ABI3BP: variants seen among roughly 807,000 people sequenced by gnomAD.
The protein encoded by ABI3BP is target of Nesh-SH3.
ABI3BP carries 216 observed loss-of-function variants against 268.6 expected under a neutral mutation model. That is an observed-to-expected ratio of 0.80 (90% CI 0.72 to 0.90). The LOEUF (loss-of-function observed/expected upper bound fraction) is 0.90, where lower values mean the gene tolerates loss of function less well. ABI3BP is among the 40% of genes least tolerant of loss of function. ABI3BP has a pLI of 0.00. For synonymous variants in ABI3BP, 730 were observed against 730.0 expected, an observed-to-expected ratio of 1.00 and a Z score of 0.00; for missense variants, 2,090 against 2,182.4, an observed-to-expected ratio of 0.96 and a Z score of 0.84.
intron 1 of ABI3BP, among the ~76,000 whole-genome samples, chr3:100,972,095 G>C (rs1162177696): frequency 6.6e-6 from 1 of 152,058 alleles, no homozygotes; most frequent in East Asian, 1.9e-4. Context: ...CACCTCACTA[G>C]CTCCATGCAT....
At chr3:100,908,115 TAA>T (rs370167303) in intron 2 of ABI3BP, among the ~76,000 whole-genome samples, 14 of 118,172 alleles carry the variant, frequency 1.2e-4, no homozygotes, top group Admixed American at 2.7e-4. Context: ...AGACTCTGTC[TAA>T]AAAAAAAAAA....
At chr3:100,926,226 C>A (rs2061763359) in intron 2 of ABI3BP, 76 bp downstream of exon 2, 6 of 1,464,018 alleles carry the variant, frequency 4.1e-6, no homozygotes, top group Non-Finnish European at 5.6e-6. Context: ...TTCTTGACAT[C>A]AAGATTTGTA....
At chr3:100,833,269 T>C in intron 29 of ABI3BP, 112 bp from the exon 30 acceptor site, 1 of 970,408 alleles carries the variant, frequency 1.0e-6, no homozygotes. Context: ...GTTGGTTCTA[T>C]AGCCACAAAG....
intron 65 of ABI3BP, 102 bp from the exon 66 acceptor site, chr3:100,753,050 C>T: frequency 2.7e-6 from 3 of 1,129,572 alleles, no homozygotes; most frequent in East Asian, 2.5e-5. Context: ...CCTTTTTTTC[C>T]CCCCATGCTA....
chr3:100,815,019 G>T (rs567046483), intron 44 of ABI3BP, among the ~76,000 whole-genome samples: 2 of 152,238 alleles, frequency 1.3e-5, no homozygotes, highest in South Asian at 2.1e-4. Flanking sequence ...AATGGGCTAA[G>T]ACTCCTTAAA....
chr3:100,968,434 G>A (rs2082188491), intron 1 of ABI3BP, among the ~76,000 whole-genome samples: 1 of 152,060 alleles, frequency 6.6e-6, no homozygotes, highest in African/African-American at 2.4e-5. Flanking sequence ...TGCCACCTAT[G>A]TTACCTAGTT....
rs201538753 is a variant in ABI3BP at position 100,801,456 on chromosome 3, GAAAA to G, written c.3757+3332_3757+3335del. ...AAAAAAAAAAGAAAAGAAAAGAAAA[GAAAA>G]AAAGATCTAAAGAATTAATTTATTA... is the stretch of plus-strand genomic sequence containing the variant. On this transcript the variant is annotated intron_variant, in intron 51 of 67. Coordinates refer to ENST00000471714, the MANE Select transcript of ABI3BP (RefSeq NM_001375547.2). 5.4e-3 allele frequency among the ~76,000 whole-genome samples: 779 copies of G among 144,804 alleles called. 10 individuals are homozygous for G. The highest frequency in any genetic ancestry group is 9.5e-3 in the South Asian group (43 of 4,514). 95.0% of individuals were successfully genotyped at this position (144,804 alleles called of 152,430 possible).
intron 1 of ABI3BP, among the ~76,000 whole-genome samples, chr3:100,928,618 C>A (rs1247582277): frequency 6.6e-6 from 1 of 152,022 alleles, no homozygotes; most frequent in Non-Finnish European, 1.5e-5. Flanking sequence ...TTTTTATAAA[C>A]TTCTTGAATC....
chr3:100,918,898 C>T (rs1264999674), intron 2 of ABI3BP, among the ~76,000 whole-genome samples: 1 of 152,178 alleles, frequency 6.6e-6, no homozygotes, highest in Non-Finnish European at 1.5e-5. Flanking sequence ...ACCTGCCATA[C>T]AGTAGGTGAG....
intron 2 of ABI3BP, among the ~76,000 whole-genome samples, chr3:100,907,206 T>C (rs533071197): frequency 6.6e-6 from 1 of 152,178 alleles, no homozygotes; most frequent in Non-Finnish European, 1.5e-5. Context: ...ATTAAAGTTG[T>C]AACAAAGGCC....
At chr3:100,794,600 G>C (rs1333584713) in intron 54 of ABI3BP, among the ~76,000 whole-genome samples, 1 of 151,482 alleles carries the variant, frequency 6.6e-6, no homozygotes, top group Non-Finnish European at 1.5e-5. Flanking sequence ...TTAAAATACA[G>C]AAAAAGCAAC....
rs2097094054 is a variant in ABI3BP, at chr3:100,787,776, T to C, written c.4114A>G (p.Thr1372Ala). The change falls in exon 57 of 68, where the codon ACT (threonine) becomes GCT (alanine). Residue 1372 changes from threonine (T) to alanine (A), a missense_variant. Transcript: ENST00000471714. ...PVLNRTTTRP[T>A]RPKPSGMPSG... Reference sequence around the variant, plus strand: ...GGCATCCCACTGGGTTTGGGCCTAGTAGGTCTTGTAGTTGTCCTATTCAGA... The same window carrying C: ...GGCATCCCACTGGGTTTGGGCCTAGCAGGTCTTGTAGTTGTCCTATTCAGA... 2 of 1,531,708 alleles carry C rather than the reference T, an allele frequency of 1.3e-6. No homozygotes were observed. Among genetic ancestry groups the C allele is most frequent in the Non-Finnish European group, 1.7e-6 (2 of 1,144,692 alleles). The allele number at this position is 1,531,708 out of a possible 1,614,324, so 94.9% of individuals were successfully genotyped here.
intron 32 of ABI3BP, among the ~76,000 whole-genome samples, chr3:100,830,375 T>G (rs943914634): frequency 6.6e-6 from 1 of 151,658 alleles, no homozygotes; most frequent in Non-Finnish European, 1.5e-5. Flanking sequence ...TACATTGCAA[T>G]ATATAAACCG....
At chr3:100,981,590 C>T (rs2089482746) in intron 1 of ABI3BP, among the ~76,000 whole-genome samples, 2 of 152,142 alleles carry the variant, frequency 1.3e-5, no homozygotes, top group African/African-American at 4.8e-5. Flanking sequence ...AATTGCATCC[C>T]AAGGATAGGC....
chr3:100,780,295 T>C (rs2096830385), intron 57 of ABI3BP, 86 bp from the exon 58 acceptor site: 2 of 1,259,730 alleles, frequency 1.6e-6, no homozygotes, highest in African/African-American at 3.0e-5. Context: ...ATAACGTACA[T>C]TCTTTGCAGA....
At chr3:100,861,431 C>T (rs1015214721) in intron 14 of ABI3BP, among the ~76,000 whole-genome samples, 1 of 152,106 alleles carries the variant, frequency 6.6e-6, no homozygotes, top group Non-Finnish European at 1.5e-5. Flanking sequence ...TCATTATACA[C>T]TATATGATAT....
At chr3:100,789,417 CCTG>C (rs765472816) in intron 56 of ABI3BP, 34 bp downstream of exon 56, 2 of 1,571,904 alleles carry the variant, frequency 1.3e-6, no homozygotes, top group Non-Finnish European at 1.7e-6. Flanking sequence ...TCTTCCCCTG[CCTG>C]CTGATTATTT....
rs547416590 is a variant in ABI3BP, at chr3:100,829,550, A to G, written c.2542+31T>C. ...TTGGGTCCCACTGGGGTGGGCTGTT[A>G]GGATTCCTCAAGCATGACCTACAAA... On this transcript the variant is annotated intron_variant, in intron 33 of 67. Transcript: ENST00000471714. 224 of 1,518,722 alleles carry G rather than the reference A, an allele frequency of 1.5e-4. 2 individuals carry two copies. Among genetic ancestry groups the G allele is most frequent in the Non-Finnish European group, 8.5e-5 (96 of 1,131,300 alleles). The allele number at this position is 1,518,722 out of a possible 1,614,324, so 94.1% of individuals were successfully genotyped here. A position where few individuals can be genotyped will look rare whatever the true frequency, so the allele number is the denominator to read the frequency against.
intron 28 of ABI3BP, 48 bp from the exon 29 acceptor site, chr3:100,834,821 A>G (rs1396753558): frequency 6.7e-7 from 1 of 1,488,168 alleles, no homozygotes; most frequent in African/African-American, 1.4e-5. Flanking sequence ...CCAGAAACCA[A>G]AGAAAGGATT....
Sources: gnomAD v4.1 joint callset for allele counts (sites outside exome capture counted in the v4.1 genomes callset) on GRCh38, gnomAD v4.1.1 for gene constraint, MANE v1.5 for transcripts, NCBI Gene and HGNC (gene_info 2026-07-23, HGNC 2026-07-21) for gene names.